MTA1: variants seen among roughly 807,000 people sequenced by gnomAD.
MTA1 encodes metastasis associated 1.
In MTA1, 15 loss-of-function variants were observed where a neutral mutation model predicts 97.0. The ratio of observed to expected loss-of-function variants is 0.15; its 90% CI spans 0.10 to 0.24. The LOEUF is 0.24. Among genes scored for constraint, MTA1 ranks in the 10% least tolerant of loss-of-function variants. MTA1 has a pLI of 1.00. For missense variants in MTA1, 709 were observed against 1,015.1 expected, an observed-to-expected ratio of 0.70 and a Z score of 4.10; for synonymous variants, 435 against 417.5, an observed-to-expected ratio of 1.04 and a Z score of -0.51.
chr14:105,436,107 A>G (rs1049556339), intron 1 of MTA1, among the ~76,000 whole-genome samples: 3 of 152,178 alleles, frequency 2.0e-5, no homozygotes, highest in Admixed American at 2.0e-4. Flanking sequence ...CGTCTCTACT[A>G]AAAATACAAA....
At chr14:105,460,690 G>A (rs1325377370) in intron 9 of MTA1, 75 bp from the exon 10 acceptor site, 2 of 1,434,628 alleles carry the variant, frequency 1.4e-6, no homozygotes, top group Admixed American at 5.0e-5. Context: ...TTGAGGTACT[G>A]AGGGAGGGGG....
Position 105,424,702 on chromosome 14 carries a change from G to A in MTA1, c.28+4639G>A, listed in dbSNP as rs587743998. 6.6e-6 allele frequency among the ~76,000 whole-genome samples: 1 copy of A among 151,310 alleles called. No homozygotes were observed. Among genetic ancestry groups the A allele is most frequent in the East Asian group, 2.0e-4 (1 of 5,116 alleles). ...GTAGAGACAGGGTTTCACCATCTAG[G>A]CCAGGCTGGTCTCGAACTCCTGACC... On this transcript the variant is annotated intron_variant, in intron 1 of 20. Transcript: ENST00000331320. The surrounding 1 kb of genome is among the most constrained non-coding windows in gnomAD (Gnocchi z 4.0).
Position 105,463,344 on chromosome 14 carries a change from C to T in MTA1, c.1017+86C>T. The T allele has an allele frequency of 6.5e-7, 1 of 1,538,216 alleles. No homozygotes were observed. The highest frequency in any genetic ancestry group is 9.0e-7 in the Non-Finnish European group (1 of 1,115,032). On this transcript the variant is annotated intron_variant, in intron 11 of 20. Transcript: ENST00000331320. This position sits in a 1 kb window ranked among gnomAD's most constrained non-coding sequence, Gnocchi z 5.9. The stretch of plus-strand genomic sequence containing the variant: ...TCTCCCAGCAGGTGGGCGTGCACTG[C>T]TGCAGCAGGAGGGGAAGGAAGACTC...
chr14:105,454,319 G>A lies in MTA1; in HGVS notation c.550+9G>A, dbSNP rs1006666023. ...CGACTTGTTAAAAGAAGGTAGGGTG[G>A]GCCGCCCTGGGCATGGAGCCCTCTG... On this transcript the variant is annotated intron_variant, in intron 7 of 20. Transcript: ENST00000331320. 6.3e-7 allele frequency: 1 copy of A among 1,595,364 alleles called. No homozygotes were observed. Among genetic ancestry groups the A allele is most frequent in the Non-Finnish European group, 8.6e-7 (1 of 1,163,682 alleles).
chr14:105,468,907 C>T (rs2083709246), intron 18 of MTA1: 1 of 301,524 alleles, frequency 3.3e-6, no homozygotes, highest in Admixed American at 4.7e-5. Flanking sequence ...CCTTGGGCTC[C>T]TCACCCTGCA....
chr14:105,434,664 A>AT (rs1296337386), intron 1 of MTA1, among the ~76,000 whole-genome samples: 14 of 151,452 alleles, frequency 9.2e-5, no homozygotes, highest in East Asian at 3.9e-4. Flanking sequence ...ACACCCAGCT[A>AT]TTTTTTTTGT....
chr14:105,424,767 A>C lies in MTA1; in HGVS notation c.28+4704A>C, dbSNP rs1052858882. Among the ~76,000 whole-genome samples the C allele has an allele frequency of 6.6e-6, 1 of 152,194 alleles. No homozygotes were observed. Among genetic ancestry groups the C allele is most frequent in the Non-Finnish European group, 1.5e-5 (1 of 68,036 alleles). ...CGCCTCGGCCTCCCAAAGTGCTGGG[A>C]TTACAGGCGTGAGCCACGGTGCCTG... On this transcript the variant is annotated intron_variant, in intron 1 of 20. Transcript: ENST00000331320. This position sits in a 1 kb window ranked among gnomAD's most constrained non-coding sequence, Gnocchi z 4.0.
rs587736227 is a variant in MTA1 at position 105,469,782 on chromosome 14, G to T, written c.1846-59G>T. 2.6e-3 allele frequency: 2,016 copies of T among 762,162 alleles called. 5 individuals are homozygous for T. The highest frequency in any genetic ancestry group is 3.5e-3 in the Non-Finnish European group (1,856 of 524,524). 47.2% of individuals were successfully genotyped at this position (762,162 alleles called of 1,614,324 possible). A position where few individuals can be genotyped will look rare whatever the true frequency, so the allele number is the denominator to read the frequency against. Reference sequence around the variant, plus strand: ...CACAGCACCTCCCAGCGGGAGCCCTGCAGGTTGAGGTGGAGCTGGCCCTTG... The same window carrying T: ...CACAGCACCTCCCAGCGGGAGCCCTTCAGGTTGAGGTGGAGCTGGCCCTTG... On this transcript the variant is annotated intron_variant, in intron 19 of 20. Transcript: ENST00000331320.
intron 2 of MTA1, among the ~76,000 whole-genome samples, chr14:105,440,358 G>A (rs986255843): frequency 1.3e-5 from 2 of 152,270 alleles, no homozygotes; most frequent in African/African-American, 2.4e-5. Context: ...CTCCTGGTCT[G>A]TGTAGTGGAG....
chr14:105,451,643 A>G (rs1411552601), intron 6 of MTA1, among the ~76,000 whole-genome samples: 2 of 152,304 alleles, frequency 1.3e-5, no homozygotes, highest in South Asian at 2.1e-4. Flanking sequence ...CAGCAGGTGC[A>G]GTGACAAGCC....
At chr14:105,451,794 T>C (rs1297562521) in intron 6 of MTA1, among the ~76,000 whole-genome samples, 1 of 142,896 alleles carries the variant, frequency 7.0e-6, no homozygotes, top group Non-Finnish European at 1.5e-5. Context: ...TTTTTTTTTT[T>C]TTTTTTTTTT....
chr14:105,445,235 G>A (rs988818388), intron 2 of MTA1, among the ~76,000 whole-genome samples, 183 bp from the exon 3 acceptor site: 1 of 152,200 alleles, frequency 6.6e-6, no homozygotes, highest in East Asian at 1.9e-4. Context: ...TGGGATAGAC[G>A]CCACGGGCGT....
At chr14:105,421,521 G>T (rs943181982) in intron 1 of MTA1, among the ~76,000 whole-genome samples, 3 of 152,316 alleles carry the variant, frequency 2.0e-5, no homozygotes, top group Non-Finnish European at 4.4e-5. Flanking sequence ...TGGGGGTGGG[G>T]AGTGGTGGCA....
At chr14:105,469,148 C>G in intron 18 of MTA1, 5 of 581,122 alleles carry the variant, frequency 8.6e-6, no homozygotes, top group South Asian at 4.6e-5. Flanking sequence ...CTTTGCTTGT[C>G]TCGGCACGGC....
chr14:105,448,344 G>A lies in MTA1; in HGVS notation c.191-1015G>A, dbSNP rs587686981. On this transcript the variant is annotated intron_variant, in intron 3 of 20. Transcript: ENST00000331320. ...GTAGGCCCACCTCGCCCGCATCTCCGACAGGCTGCACCACAGAGCCCTGTT... is the reference window on the plus strand; with the variant it reads ...GTAGGCCCACCTCGCCCGCATCTCCAACAGGCTGCACCACAGAGCCCTGTT... Among the ~76,000 whole-genome samples the A allele has an allele frequency of 1.4e-4, 21 of 152,272 alleles. No homozygotes were observed. The East Asian group carries it at 3.1e-3, about 22-fold the overall frequency.
chr14:105,437,070 CCCGTTGT>C, intron 1 of MTA1, among the ~76,000 whole-genome samples: 1 of 152,262 alleles, frequency 6.6e-6, no homozygotes, highest in Admixed American at 6.5e-5. Flanking sequence ...ATGCTCCTAG[CCCGTTGT>C]CCTGTGGAGC....
rs1165623980 is a variant in MTA1 at position 105,470,596 on chromosome 14, T to C, written c.*381T>C. ...GTAGATGAACTTGAGCTCTGTAACT[T>C]ACACCTGGAATGTTAGGATCGTGCG... On this transcript the variant is annotated 3_prime_UTR_variant, in exon 21 of 21. Coordinates refer to ENST00000331320, the MANE Select transcript of MTA1 (RefSeq NM_004689.4). 1.6e-5 allele frequency: 3 copies of C among 184,490 alleles called. No individual in the cohort carries two copies. The highest frequency in any genetic ancestry group is 7.1e-5 in the African/African-American group (3 of 42,386). The allele number at this position is 184,490 out of a possible 1,614,324, so 11.4% of individuals were successfully genotyped here. A position where few individuals can be genotyped will look rare whatever the true frequency, so the allele number is the denominator to read the frequency against.
chr14:105,423,215 A>ATTTTTT (rs1166908446), intron 1 of MTA1, among the ~76,000 whole-genome samples: 11 of 113,556 alleles, frequency 9.7e-5, no homozygotes, highest in African/African-American at 1.5e-4. Flanking sequence ...TTTTTGTTTA[A>ATTTTTT]TTTTTTTTTT....
In MTA1 at chr14:105,463,177, C is replaced by T. The variant is rs1555431450; in HGVS notation, c.943-7C>T. The T allele has an allele frequency of 6.2e-7, 1 of 1,611,360 alleles. No homozygotes were observed. Reference sequence around the variant, plus strand: ...CCTGCTTGTGTGACACGCCTCCTCCCACCCAGCTCCCGTGGAAGTCGCTGA... The same window carrying T: ...CCTGCTTGTGTGACACGCCTCCTCCTACCCAGCTCCCGTGGAAGTCGCTGA... On this transcript the variant is annotated splice_region_variant and splice_polypyrimidine_tract_variant and intron_variant, in intron 10 of 20. Coordinates refer to ENST00000331320, the MANE Select transcript of MTA1 (RefSeq NM_004689.4). The surrounding 1 kb of genome is among the most constrained non-coding windows in gnomAD (Gnocchi z 5.9).
Sources: allele counts gnomAD v4.1 joint callset (sites outside exome capture counted in the v4.1 genomes callset), GRCh38; gene constraint gnomAD v4.1.1; non-coding constraint Gnocchi (gnomAD v3.1); transcripts MANE v1.5; gene names NCBI Gene and HGNC (gene_info 2026-07-23, HGNC 2026-07-21).